Variants in ENKUR observed in about 807,000 individuals in gnomAD.
The protein encoded by ENKUR is enkurin.
A neutral mutation model predicts 27.6 loss-of-function variants in ENKUR; 19 were observed. The observed-to-expected ratio is 0.69, with a 90% CI of 0.48 to 1.01. The LOEUF (loss-of-function observed/expected upper bound fraction) is 1.01, where lower values mean the gene tolerates loss of function less well. ENKUR is among the 50% of genes least tolerant of loss of function. The pLI is 0.00. For synonymous variants in ENKUR, 117 were observed against 96.9 expected, an observed-to-expected ratio of 1.21 and a Z score of -1.22; for missense variants, 312 against 310.5, an observed-to-expected ratio of 1.00 and a Z score of -0.04.
chr10:25,006,768 T>A lies in ENKUR; in HGVS notation c.78-7222A>T, dbSNP rs187005826. ...GCAAAAAGGACTCAGTTTGTTTTACTGTCTCAGGCTAAAAGAACTGTGCAA... is the reference window on the plus strand; with the variant it reads ...GCAAAAAGGACTCAGTTTGTTTTACAGTCTCAGGCTAAAAGAACTGTGCAA... On this transcript the variant is annotated intron_variant, in intron 1 of 5. Coordinates refer to ENST00000331161, the MANE Select transcript of ENKUR (RefSeq NM_145010.4). Among the ~76,000 whole-genome samples the A allele has an allele frequency of 4.6e-4, 70 of 152,348 alleles. 1 individual carries two copies. The South Asian group carries it at 7.9e-3, about 17-fold the overall frequency.
chr10:25,046,823 T>C (rs1389736093), intron 2 of ENKUR, among the ~76,000 whole-genome samples: 2 of 152,202 alleles, frequency 1.3e-5, no homozygotes, highest in Admixed American at 6.5e-5. Flanking sequence ...CCAAAGAGTT[T>C]ATTTACTAAA....
chr10:25,045,940 T>C (rs1326089494), intron 2 of ENKUR, among the ~76,000 whole-genome samples: 1 of 152,160 alleles, frequency 6.6e-6, no homozygotes, highest in Non-Finnish European at 1.5e-5. Context: ...CAGACATAAA[T>C]ATGACTGATA....
At chr10:25,007,642 G>A (rs1423429516) in intron 1 of ENKUR, among the ~76,000 whole-genome samples, 1 of 152,098 alleles carries the variant, frequency 6.6e-6, no homozygotes, top group African/African-American at 2.4e-5. Flanking sequence ...CACCATGTTA[G>A]CCAGGATGTT....
At chr10:25,029,560 A>T (rs371293623) in intron 2 of ENKUR, among the ~76,000 whole-genome samples, 1 of 149,360 alleles carries the variant, frequency 6.7e-6, no homozygotes, top group Non-Finnish European at 1.5e-5. Flanking sequence ...TTAAAAAAAA[A>T]ATCATGAAGT....
chr10:25,042,230 A>G (rs978650314), intron 2 of ENKUR, among the ~76,000 whole-genome samples: 2 of 151,938 alleles, frequency 1.3e-5, no homozygotes, highest in Non-Finnish European at 2.9e-5. Flanking sequence ...AAGCTAGATG[A>G]ACAGCATATA....
At chr10:25,034,082 A>G (rs757285116) in intron 2 of ENKUR, among the ~76,000 whole-genome samples, 3 of 152,072 alleles carry the variant, frequency 2.0e-5, no homozygotes, top group Non-Finnish European at 4.4e-5. Context: ...TAGGTTAACT[A>G]TGAATGTGAA....
intron 2 of ENKUR, among the ~76,000 whole-genome samples, chr10:25,040,519 T>C (rs922896664): frequency 7.9e-5 from 12 of 151,530 alleles, no homozygotes; most frequent in South Asian, 4.2e-4. Context: ...TACAGGCGCC[T>C]GCCACCACGC....
chr10:25,011,814 A>G (rs1850451991), intron 1 of ENKUR, among the ~76,000 whole-genome samples: 1 of 152,240 alleles, frequency 6.6e-6, no homozygotes, highest in African/African-American at 2.4e-5. Context: ...AGAAAAACCA[A>G]TTTTCTGAGG....
chr10:25,053,480 C>G (rs1851211343), intron 2 of ENKUR, among the ~76,000 whole-genome samples: 1 of 152,190 alleles, frequency 6.6e-6, no homozygotes, highest in South Asian at 2.1e-4. Context: ...CATTATTCTA[C>G]TCTGCTCCTA....
intron 3 of ENKUR, 38 bp downstream of exon 3, chr10:24,995,608 T>A (rs1463320047): frequency 6.6e-7 from 1 of 1,524,494 alleles, no homozygotes; most frequent in Non-Finnish European, 9.0e-7. Context: ...TTAAATTATT[T>A]GAATTTCAGC....
chr10:25,044,664 T>C (rs1851102309), intron 2 of ENKUR, among the ~76,000 whole-genome samples: 1 of 152,236 alleles, frequency 6.6e-6, no homozygotes, highest in African/African-American at 2.4e-5. Flanking sequence ...CCCAAAGTGC[T>C]GGGATTACAG....
chr10:25,035,765 T>C (rs1381422784), intron 2 of ENKUR, among the ~76,000 whole-genome samples: 1 of 152,178 alleles, frequency 6.6e-6, no homozygotes, highest in South Asian at 2.1e-4. Flanking sequence ...TCACTCACAA[T>C]GATTGGTATC....
At chr10:25,030,448 C>T (rs953421703) in intron 2 of ENKUR, among the ~76,000 whole-genome samples, 5 of 152,068 alleles carry the variant, frequency 3.3e-5, no homozygotes, top group Admixed American at 3.3e-4. Context: ...GGTATTGCTC[C>T]ACCACCAACT....
chr10:25,024,856 A>C, intron 2 of ENKUR: 1 of 1,614,114 alleles, frequency 6.2e-7, no homozygotes, highest in Non-Finnish European at 8.5e-7. Context: ...TGATTTTATA[A>C]AAACAGGACA....
chr10:24,999,526 GC>G lies in ENKUR; in HGVS notation c.97del (p.Ala33GlnfsTer3). Reference sequence around the variant, plus strand: ...TTTTTGCATGTCATCTTTTACAGTTGCCTTAAAAATGGATATGTACCTAAAA... The same window carrying G: ...TTTTTGCATGTCATCTTTTACAGTTGCTTAAAAATGGATATGTACCTAAAA... The part of the protein sequence containing the change: ...QPPRYISIFK[A>X]TVKDDMQKAK... On this transcript the variant is annotated frameshift_variant, in exon 2 of 6. Transcript: ENST00000331161. LOFTEE classifies it high-confidence loss of function. 1 of 1,609,292 alleles carries G rather than the reference GC, an allele frequency of 6.2e-7. No individual in the cohort carries two copies. Among genetic ancestry groups the G allele is most frequent in the Non-Finnish European group, 8.5e-7 (1 of 1,178,620 alleles).
chr10:25,029,467 A>T (rs988714086), intron 2 of ENKUR, among the ~76,000 whole-genome samples: 1 of 152,198 alleles, frequency 6.6e-6, no homozygotes, highest in Non-Finnish European at 1.5e-5. Context: ...ATTCACTTTC[A>T]AAAATAATCA....
intron 3 of ENKUR, among the ~76,000 whole-genome samples, chr10:24,995,081 C>T (rs1850016624): frequency 6.6e-6 from 1 of 152,108 alleles, no homozygotes; most frequent in African/African-American, 2.4e-5. Flanking sequence ...TTTTCAGATA[C>T]AAATGAAGGA....
intron 2 of ENKUR, chr10:25,024,041 C>T: frequency 3.1e-6 from 5 of 1,614,118 alleles, no homozygotes; most frequent in Non-Finnish European, 4.2e-6. Flanking sequence ...AAGGAGTTTC[C>T]AAAATTAAGC....
At position 25,034,153 on chromosome 10, in the gene ENKUR, ATTTATT is replaced by A. The variant is rs1176285541; in HGVS notation, c.37+26953_37+26958del. The stretch of plus-strand genomic sequence containing the variant: ...TCAAAAATTTACAGTAAAACGTATT[ATTTATT>A]TTTATTTGTAATTTTGTGTTACAGA... On this transcript the variant is annotated intron_variant, in intron 2 of 5. Coordinates refer to the ENKUR transcript ENST00000615958. Among the ~76,000 whole-genome samples, 69 of 152,102 alleles carry A rather than the reference ATTTATT, an allele frequency of 4.5e-4. 1 individual carries two copies. Among genetic ancestry groups the A allele is most frequent in the Admixed American group, 3.9e-3 (59 of 15,268 alleles).
Sources: allele counts gnomAD v4.1 joint callset (sites outside exome capture counted in the v4.1 genomes callset), GRCh38; gene constraint gnomAD v4.1.1; transcripts MANE v1.5; gene names NCBI Gene and HGNC (gene_info 2026-07-23, HGNC 2026-07-21).